AFDN: variants seen among roughly 807,000 people sequenced by gnomAD.
The protein encoded by AFDN is afadin.
A neutral mutation model predicts 216.6 loss-of-function variants in AFDN; 68 were observed. The observed-to-expected ratio is 0.31, with a 90% CI of 0.26 to 0.38. AFDN has a LOEUF of 0.38. AFDN is among the 10% of genes least tolerant of loss of function. The pLI, the probability that AFDN is intolerant of heterozygous loss-of-function variation, is 1.00. For synonymous variants in AFDN, 868 were observed against 853.7 expected (o/e 1.02, Z -0.29); for missense variants, 2,136 against 2,342.0 (o/e 0.91, Z 1.82).
At chr6:167,953,784 C>G (rs1426988027) in intron 30 of AFDN, among the ~76,000 whole-genome samples, 1 of 152,196 alleles carries the variant, frequency 6.6e-6, no homozygotes, top group Non-Finnish European at 1.5e-5. Flanking sequence ...AGTGTCGCTC[C>G]TGGGTGCACT....
At chr6:167,880,229 T>C (rs1785940912) in intron 5 of AFDN, 131 bp from the exon 6 acceptor site, 1 of 763,430 alleles carries the variant, frequency 1.3e-6, no homozygotes, top group East Asian at 2.5e-5. Flanking sequence ...CAATAGTTAT[T>C]AGGCAGATTG....
In AFDN at chr6:167,962,874, T is replaced by C. The variant is rs1797178133; in HGVS notation, c.4968+307T>C. 1 of 1,198,430 alleles carries C rather than the reference T, an allele frequency of 8.3e-7. No homozygotes were observed. 74.2% of individuals were successfully genotyped at this position (1,198,430 alleles called of 1,614,324 possible). ...CGTTTCCTCGGGCACTCATCTTTACTGAACATGGCCCAGCTTGTCATTGTG... is the reference window on the plus strand; with the variant it reads ...CGTTTCCTCGGGCACTCATCTTTACCGAACATGGCCCAGCTTGTCATTGTG... On this transcript the variant is annotated intron_variant, in intron 31 of 33. Transcript: ENST00000683244. The surrounding 1 kb of genome is among the most constrained non-coding windows in gnomAD (Gnocchi z 5.2).
intron 8 of AFDN, among the ~76,000 whole-genome samples, chr6:167,891,815 T>C (rs563629207): frequency 2.3e-4 from 35 of 152,314 alleles, no homozygotes; most frequent in African/African-American, 8.2e-4. Flanking sequence ...GTGACCTGCA[T>C]TATACAATAC....
intron 1 of AFDN, among the ~76,000 whole-genome samples, chr6:167,837,932 A>G (rs1034551): frequency 0.13 from 20,216 of 152,204 alleles, 1,515 homozygotes; most frequent in Non-Finnish European, 0.16. Flanking sequence ...ATGTAATAAA[A>G]CATCTCTTCT....
intron 1 of AFDN, among the ~76,000 whole-genome samples, chr6:167,846,879 A>G (rs1781756420): frequency 6.6e-6 from 1 of 152,100 alleles, no homozygotes; most frequent in Non-Finnish European, 1.5e-5. Flanking sequence ...ATAATTCGTC[A>G]ACTGAATCTG....
chr6:167,971,438 T>A lies in AFDN; in HGVS notation c.*1503T>A, dbSNP rs1798017661. ...AAATGCGAGTGTAAATATTTTTTTT[T>A]ACCTCTATCAGGGTTTTTATTTGAA... On this transcript the variant is annotated 3_prime_UTR_variant, in exon 34 of 34. Transcript: ENST00000683244. 1 of 197,834 alleles carries A rather than the reference T, an allele frequency of 5.1e-6. No homozygotes were observed. The highest frequency in any genetic ancestry group is 1.0e-5 in the Non-Finnish European group (1 of 95,808). The allele number at this position is 197,834 out of a possible 1,614,324, so 12.3% of individuals were successfully genotyped here.
chr6:167,866,068 T>C (rs556820590), intron 2 of AFDN, among the ~76,000 whole-genome samples: 1 of 152,360 alleles, frequency 6.6e-6, no homozygotes, highest in African/African-American at 2.4e-5. Flanking sequence ...TACCTTAGAA[T>C]TTTTGTAAAT....
chr6:167,861,032 G>A (rs560617006), intron 1 of AFDN, among the ~76,000 whole-genome samples: 44 of 152,240 alleles, frequency 2.9e-4, no homozygotes, highest in African/African-American at 1.1e-3. Context: ...CCTGCTGCTG[G>A]GCAAGCTAGG....
At chr6:167,895,273 G>C (rs1318812255) in intron 9 of AFDN, among the ~76,000 whole-genome samples, 1 of 151,956 alleles carries the variant, frequency 6.6e-6, no homozygotes, top group Non-Finnish European at 1.5e-5. Context: ...TTAACTAGGG[G>C]GGTTCATTAG....
chr6:167,888,100 G>A (rs1229601444), intron 6 of AFDN, among the ~76,000 whole-genome samples: 1 of 152,160 alleles, frequency 6.6e-6, no homozygotes, highest in African/African-American at 2.4e-5. Flanking sequence ...GGCTCTAAAT[G>A]TTTGATAAAG....
At chr6:167,910,972 T>A in intron 13 of AFDN, 129 bp from the exon 14 acceptor site, 4 of 746,836 alleles carry the variant, frequency 5.4e-6, no homozygotes, top group East Asian at 5.2e-5. Flanking sequence ...ACAAGGGATA[T>A]TTTATTATTT....
chr6:167,917,689 A>G (rs774354016), intron 20 of AFDN, among the ~76,000 whole-genome samples: 3 of 152,218 alleles, frequency 2.0e-5, no homozygotes, highest in African/African-American at 4.8e-5. Flanking sequence ...ACTGTTAGCT[A>G]TTTATAAAGA....
intron 5 of AFDN, 101 bp downstream of exon 5, chr6:167,875,596 T>G: frequency 8.1e-7 from 1 of 1,237,902 alleles, no homozygotes; most frequent in Non-Finnish European, 1.1e-6. Context: ...CAATGGGTGG[T>G]GTAACCTTTT....
intron 20 of AFDN, among the ~76,000 whole-genome samples, chr6:167,918,377 T>C (rs1000481396): frequency 2.0e-5 from 3 of 152,172 alleles, no homozygotes; most frequent in African/African-American, 7.2e-5. Context: ...TATACAAATA[T>C]AGTTATTAAC....
At chr6:167,842,834 T>C (rs1369001614) in intron 1 of AFDN, among the ~76,000 whole-genome samples, 1 of 152,232 alleles carries the variant, frequency 6.6e-6, no homozygotes, top group Non-Finnish European at 1.5e-5. Flanking sequence ...TGGCTTTTGC[T>C]GTTTTTCAAG....
intron 26 of AFDN, among the ~76,000 whole-genome samples, chr6:167,945,497 A>G (rs1795162513): frequency 6.6e-6 from 1 of 152,242 alleles, no homozygotes; most frequent in African/African-American, 2.4e-5. Flanking sequence ...CGCATATTAC[A>G]TTATCAAGTA....
chr6:167,836,290 T>C (rs1271588267), intron 1 of AFDN, among the ~76,000 whole-genome samples: 1 of 152,192 alleles, frequency 6.6e-6, no homozygotes, highest in Non-Finnish European at 1.5e-5. Context: ...ATGCTGTTGT[T>C]TAATGTGGCT....
At chr6:167,841,159 G>A (rs1423959381) in intron 1 of AFDN, among the ~76,000 whole-genome samples, 1 of 152,196 alleles carries the variant, frequency 6.6e-6, no homozygotes, top group Non-Finnish European at 1.5e-5. Context: ...ACTTTGGGTA[G>A]GTGATGGTGT....
intron 12 of AFDN, among the ~76,000 whole-genome samples, chr6:167,903,529 ACAGGCCCAGTC>A (rs1347690095): frequency 6.6e-6 from 1 of 152,216 alleles, no homozygotes; most frequent in Non-Finnish European, 1.5e-5. Context: ...TGAAGCAAAT[ACAGGCCCAGTC>A]CAGATTCAGG....
Sources: gnomAD v4.1 joint callset for allele counts (sites outside exome capture counted in the v4.1 genomes callset) on GRCh38, gnomAD v4.1.1 for gene constraint, Gnocchi (gnomAD v3.1) non-coding constraint, MANE v1.5 for transcripts, NCBI Gene and HGNC (gene_info 2026-07-23, HGNC 2026-07-21) for gene names.